SPOCK3: variants seen among roughly 807,000 people sequenced by gnomAD.
SPOCK3 encodes testican-3.
In SPOCK3, 30 loss-of-function variants were observed where a neutral mutation model predicts 56.6. The ratio of observed to expected loss-of-function variants is 0.53; its 90% CI spans 0.40 to 0.72. The LOEUF (loss-of-function observed/expected upper bound fraction) is 0.72, where lower values mean the gene tolerates loss of function less well. Ranked by LOEUF, SPOCK3 falls within the 30% of genes least tolerant of loss-of-function variation. The pLI is 0.00. For missense variants in SPOCK3, 527 were observed against 530.0 expected (o/e 0.99, Z 0.06); for synonymous variants, 196 against 183.3 (o/e 1.07, Z -0.56).
chr4:166,937,953 T>G (rs2150009855), intron 4 of SPOCK3, among the ~76,000 whole-genome samples: 1 of 126,480 alleles, frequency 7.9e-6, no homozygotes, highest in South Asian at 2.7e-4. Context: ...TTTTTTTTAA[T>G]ATTTTTACTA....
intron 6 of SPOCK3, among the ~76,000 whole-genome samples, chr4:166,868,753 G>A (rs575904488): frequency 1.3e-4 from 20 of 152,084 alleles, no homozygotes; most frequent in Non-Finnish European, 2.4e-4. Context: ...TTAATCCCGC[G>A]AAAATAAAAC....
intron 2 of SPOCK3, among the ~76,000 whole-genome samples, chr4:167,130,600 G>C (rs1762626663): frequency 6.6e-6 from 1 of 151,868 alleles, no homozygotes; most frequent in Non-Finnish European, 1.5e-5. Flanking sequence ...CTTTCCACCA[G>C]CAGTTTGCAA....
chr4:166,866,806 TC>T (rs1221504739), intron 6 of SPOCK3, among the ~76,000 whole-genome samples: 3 of 152,078 alleles, frequency 2.0e-5, no homozygotes, highest in Non-Finnish European at 4.4e-5. Context: ...AATAGGTTTC[TC>T]TATTGAAAAT....
At chr4:167,001,512 ATTTTAT>A (rs1287880576) in intron 3 of SPOCK3, among the ~76,000 whole-genome samples, 1 of 152,132 alleles carries the variant, frequency 6.6e-6, no homozygotes, top group Non-Finnish European at 1.5e-5. Context: ...TATATACCAC[ATTTTAT>A]TTATTCACTA....
chr4:167,219,616 T>A (rs2111089921), intron 2 of SPOCK3, among the ~76,000 whole-genome samples: 1 of 152,250 alleles, frequency 6.6e-6, no homozygotes, highest in Middle Eastern at 3.4e-3. Flanking sequence ...AATAAAGAAC[T>A]CACAAAATTA....
In SPOCK3 at chr4:166,982,923, A is replaced by C. The variant is rs571807312; in HGVS notation, c.350+17426T>G. ...ATAAGCATAAGGGGCAATATTTGTG[A>C]TTTATCAACCCCTCTTCCCTAAGTT... On this transcript the variant is annotated intron_variant, in intron 4 of 10. Transcript: ENST00000357545. 2.4e-3 allele frequency among the ~76,000 whole-genome samples: 371 copies of C among 152,274 alleles called. 7 individuals are homozygous for C. In the South Asian group the frequency reaches 0.025, roughly 10 times the overall value.
chr4:166,928,594 T>C (rs1739378453), intron 4 of SPOCK3, among the ~76,000 whole-genome samples: 1 of 152,146 alleles, frequency 6.6e-6, no homozygotes, highest in Non-Finnish European at 1.5e-5. Flanking sequence ...CTCTGTATGA[T>C]AGTATAATGG....
chr4:167,186,411 G>A lies in SPOCK3; in HGVS notation c.189+47574C>T, dbSNP rs192522431. Among the ~76,000 whole-genome samples the A allele has an allele frequency of 6.6e-5, 10 of 152,130 alleles. No individual in the cohort carries two copies. In the East Asian group the frequency reaches 1.7e-3, roughly 27 times the overall value. On this transcript the variant is annotated intron_variant, in intron 2 of 10. Transcript: ENST00000357545. ...TGGGAGGCCGAGGTGGGCAGATCAC[G>A]AGGTCAGGAATTTGAGACCAGCCTG...
intron 2 of SPOCK3, among the ~76,000 whole-genome samples, chr4:167,233,308 T>A (rs566773654): frequency 6.6e-6 from 1 of 152,208 alleles, no homozygotes; most frequent in Non-Finnish European, 1.5e-5. Context: ...TTAACTCTTT[T>A]ATCGCTGTCA....
chr4:166,771,045 A>G (rs6819201), intron 7 of SPOCK3, among the ~76,000 whole-genome samples: 48,451 of 148,472 alleles, frequency 0.33, 8,093 homozygotes, highest in Admixed American at 0.41. Context: ...TGTATGATAG[A>G]TTATATAAAT....
intron 3 of SPOCK3, among the ~76,000 whole-genome samples, chr4:167,013,558 A>G (rs1750306793): frequency 6.6e-6 from 1 of 151,354 alleles, no homozygotes; most frequent in Non-Finnish European, 1.5e-5. Flanking sequence ...TTATCATAAA[A>G]TATTTTTACC....
intron 2 of SPOCK3, among the ~76,000 whole-genome samples, chr4:167,126,558 A>C (rs533709357): frequency 6.6e-6 from 1 of 151,472 alleles, no homozygotes; most frequent in African/African-American, 2.4e-5. Context: ...AAAAAAACAA[A>C]CAAAAAAAGT....
intron 4 of SPOCK3, among the ~76,000 whole-genome samples, chr4:166,996,969 C>A (rs1358783574): frequency 6.6e-6 from 1 of 152,112 alleles, no homozygotes; most frequent in Non-Finnish European, 1.5e-5. Context: ...TCCCTCATTT[C>A]ATGTTTAAAT....
At chr4:167,205,314 TTTTA>T (rs1434463184) in intron 2 of SPOCK3, among the ~76,000 whole-genome samples, 14 of 48,516 alleles carry the variant, frequency 2.9e-4, no homozygotes, top group South Asian at 5.5e-4. Flanking sequence ...ATATTATATA[TTTTA>T]TATATATAAT....
chr4:167,100,457 T>TCTCA (rs1554035940), intron 2 of SPOCK3, among the ~76,000 whole-genome samples: 1 of 149,418 alleles, frequency 6.7e-6, no homozygotes, highest in Non-Finnish European at 1.5e-5. Flanking sequence ...TCTCTCTCTC[T>TCTCA]CACACACACA....
At chr4:166,992,747 G>T (rs967715749) in intron 4 of SPOCK3, among the ~76,000 whole-genome samples, 7 of 152,104 alleles carry the variant, frequency 4.6e-5, no homozygotes, top group African/African-American at 1.7e-4. Flanking sequence ...CTCTCCAAAG[G>T]TTTATACCAG....
intron 2 of SPOCK3, among the ~76,000 whole-genome samples, chr4:167,232,562 A>G (rs1345027346): frequency 6.6e-6 from 1 of 152,206 alleles, no homozygotes; most frequent in Non-Finnish European, 1.5e-5. Context: ...AAATGAGGGC[A>G]TGATAAACAA....
chr4:166,851,603 C>T (rs1396792428), intron 6 of SPOCK3, among the ~76,000 whole-genome samples: 1 of 152,132 alleles, frequency 6.6e-6, no homozygotes, highest in Non-Finnish European at 1.5e-5. Context: ...CTAGAATAAC[C>T]AATACAGAGA....
intron 6 of SPOCK3, among the ~76,000 whole-genome samples, chr4:166,850,765 T>TA (rs1271906522): frequency 6.6e-6 from 1 of 152,210 alleles, no homozygotes; most frequent in Admixed American, 6.5e-5. Context: ...CCGACGGGCT[T>TA]AAAAAACGGT....
Sources: allele counts gnomAD v4.1 joint callset (sites outside exome capture counted in the v4.1 genomes callset), GRCh38; gene constraint gnomAD v4.1.1; transcripts MANE v1.5; gene names NCBI Gene and HGNC (gene_info 2026-07-23, HGNC 2026-07-21).